The following RIMS2 variants were observed in gnomAD, a reference collection of about 807,000 sequenced individuals.
The protein encoded by RIMS2 is regulating synaptic membrane exocytosis protein 2.
Under a neutral mutation model 174.4 loss-of-function variants are expected in RIMS2, and 59 were observed. The observed-to-expected ratio is 0.34, with a 90% CI of 0.27 to 0.42. The LOEUF is 0.42. RIMS2 is among the 10% of genes least tolerant of loss of function. RIMS2 has a pLI of 1.00. For missense variants in RIMS2, 1,620 were observed against 1,666.3 expected (o/e 0.97, Z 0.48); for synonymous variants, 606 against 572.5 (o/e 1.06, Z -0.84).
intron 19 of RIMS2, among the ~76,000 whole-genome samples, chr8:104,037,051 A>G (rs989372964): frequency 6.6e-6 from 1 of 152,204 alleles, no homozygotes; most frequent in African/African-American, 2.4e-5. Context: ...GGAAATAATC[A>G]GTTTAGAAAT....
intron 19 of RIMS2, among the ~76,000 whole-genome samples, chr8:104,129,812 T>C (rs542995734): frequency 6.6e-6 from 1 of 152,356 alleles, no homozygotes; most frequent in Admixed American, 6.5e-5. Flanking sequence ...ACAAATGTTG[T>C]GTCTTGTATT....
intron 15 of RIMS2, among the ~76,000 whole-genome samples, chr8:103,971,435 A>G (rs966460534): frequency 1.3e-5 from 2 of 152,294 alleles, no homozygotes; most frequent in African/African-American, 4.8e-5. Flanking sequence ...ATGTTTAGCA[A>G]CAATCCTAAC....
chr8:103,573,264 A>T (rs565837174), intron 1 of RIMS2, among the ~76,000 whole-genome samples: 1 of 151,354 alleles, frequency 6.6e-6, no homozygotes, highest in Admixed American at 6.6e-5. Flanking sequence ...AGGTTTCACT[A>T]TGTTGGCCAG....
intron 19 of RIMS2, among the ~76,000 whole-genome samples, chr8:104,059,332 T>C (rs1167717516): frequency 6.7e-6 from 1 of 149,756 alleles, no homozygotes; most frequent in Non-Finnish European, 1.5e-5. Context: ...TTTGAAGCAA[T>C]TGTGAATGGG....
At chr8:103,643,521 G>T (rs908869375) in intron 1 of RIMS2, among the ~76,000 whole-genome samples, 1 of 152,120 alleles carries the variant, frequency 6.6e-6, no homozygotes, top group East Asian at 1.9e-4. Flanking sequence ...TAGGTCTTAA[G>T]TATGACATTT....
chr8:103,930,559 GA>G lies in RIMS2; in HGVS notation c.2245-702del, dbSNP rs1160003533. Reference sequence around the variant, plus strand: ...TCAAGTGAATTCAGCAGTTGGATATGAAGTTCCCTTCCCTAATTATGGCACA... The same window carrying G: ...TCAAGTGAATTCAGCAGTTGGATATGAGTTCCCTTCCCTAATTATGGCACA... On this transcript the variant is annotated intron_variant, in intron 11 of 23. Transcript: ENST00000504942. Among the ~76,000 whole-genome samples the G allele has an allele frequency of 2.6e-5, 4 of 152,170 alleles. No individual in the cohort carries two copies. The East Asian group carries it at 7.7e-4, about 29-fold the overall frequency.
chr8:104,156,497 T>C (rs1486410773), intron 19 of RIMS2, among the ~76,000 whole-genome samples: 1 of 152,226 alleles, frequency 6.6e-6, no homozygotes, highest in Admixed American at 6.5e-5. Flanking sequence ...GCCACTGTTT[T>C]CAGAAATTAT....
At chr8:103,978,241 T>A (rs2093613269) in intron 16 of RIMS2, among the ~76,000 whole-genome samples, 1 of 147,928 alleles carries the variant, frequency 6.8e-6, no homozygotes, top group African/African-American at 2.4e-5. Context: ...AAGATAGGAA[T>A]ACATTTTAGA....
chr8:103,839,725 T>C (rs1308666741), intron 3 of RIMS2, among the ~76,000 whole-genome samples: 2 of 152,226 alleles, frequency 1.3e-5, no homozygotes, highest in African/African-American at 4.8e-5. Context: ...TCTATTCCTA[T>C]TTCTGGAGCT....
At chr8:103,819,639 G>A (rs1292132810) in intron 3 of RIMS2, 1 of 1,584,282 alleles carries the variant, frequency 6.3e-7, no homozygotes, top group African/African-American at 1.4e-5. Context: ...GGTGAGTAGA[G>A]CCAAACTATA....
intron 19 of RIMS2, among the ~76,000 whole-genome samples, chr8:104,208,300 G>A (rs2099089777): frequency 6.6e-6 from 1 of 152,102 alleles, no homozygotes; most frequent in South Asian, 2.1e-4. Context: ...GGGCACAGTG[G>A]CTCACACCTG....
At position 103,680,412 on chromosome 8, in the gene RIMS2, A is replaced by G. The variant is rs910421806; in HGVS notation, c.177-16674A>G. Among the ~76,000 whole-genome samples the G allele has an allele frequency of 1.6e-4, 25 of 152,156 alleles. No individual in the cohort carries two copies. The East Asian group carries it at 4.6e-3, about 28-fold the overall frequency. On this transcript the variant is annotated intron_variant, in intron 1 of 23. Transcript: ENST00000504942. ...GATTAAAAGCCTAAATATGACTGGT[A>G]AAATTATAAAGCTACTAGAAGAAAC...
At chr8:103,943,125 A>G (rs2082924744) in intron 14 of RIMS2, among the ~76,000 whole-genome samples, 199 bp downstream of exon 16, 1 of 152,200 alleles carries the variant, frequency 6.6e-6, no homozygotes, top group Admixed American at 6.5e-5. Context: ...TACCCATAGC[A>G]TTCACCTATC....
intron 1 of RIMS2, among the ~76,000 whole-genome samples, chr8:103,664,672 TTGG>T (rs1303355616): frequency 2.6e-5 from 4 of 152,274 alleles, no homozygotes; most frequent in Non-Finnish European, 5.9e-5. Flanking sequence ...TTTTACACTG[TTGG>T]TGGGAGTGTA....
rs2131994596 is a variant in RIMS2 at position 104,115,323 on chromosome 8, C to T, written c.3334+100708C>T. On this transcript the variant is annotated intron_variant, in intron 19 of 23. Coordinates refer to ENST00000504942, the Ensembl canonical transcript of RIMS2. The stretch of plus-strand genomic sequence containing the variant: ...ACTGAATCATTAAATATTTATGGTT[C>T]TAGTATTTGCATACTTATAATGAGA... Among the ~76,000 whole-genome samples, 3 of 152,032 alleles carry T rather than the reference C, an allele frequency of 2.0e-5. No homozygotes were observed. The South Asian group carries it at 6.2e-4, about 32-fold the overall frequency.
intron 19 of RIMS2, among the ~76,000 whole-genome samples, chr8:104,016,062 G>T (rs1205903978): frequency 3.3e-5 from 5 of 151,974 alleles, no homozygotes; most frequent in African/African-American, 1.2e-4. Flanking sequence ...GTGATATATG[G>T]AGTGTCATAC....
intron 2 of RIMS2, among the ~76,000 whole-genome samples, chr8:103,729,748 A>C (rs1021597975): frequency 2.0e-5 from 3 of 151,870 alleles, no homozygotes; most frequent in African/African-American, 7.3e-5. Context: ...TTGTATTTCC[A>C]TTTTCATTTG....
At chr8:103,815,984 T>C (rs2098715754) in intron 3 of RIMS2, among the ~76,000 whole-genome samples, 1 of 152,178 alleles carries the variant, frequency 6.6e-6, no homozygotes, top group African/African-American at 2.4e-5. Flanking sequence ...TTGGAGTCAG[T>C]ACTTAAAACC....
chr8:103,728,130 T>C (rs551092790), intron 2 of RIMS2, among the ~76,000 whole-genome samples: 2 of 152,274 alleles, frequency 1.3e-5, no homozygotes, highest in South Asian at 2.1e-4. Context: ...TAATGTTTTA[T>C]AGTTTTTGTT....
Sources: allele counts gnomAD v4.1 joint callset (sites outside exome capture counted in the v4.1 genomes callset), GRCh38; gene constraint gnomAD v4.1.1; transcripts MANE v1.5; gene names NCBI Gene and HGNC (gene_info 2026-07-23, HGNC 2026-07-21).